Variants in GLIS1 observed in about 807,000 individuals in gnomAD.
GLIS1 encodes the protein zinc finger protein GLIS1.
A neutral mutation model predicts 63.8 loss-of-function variants in GLIS1; 24 were observed. That is an observed-to-expected ratio of 0.38 (90% CI 0.27 to 0.53). GLIS1 has a LOEUF of 0.53. Among genes scored for constraint, GLIS1 ranks in the 20% least tolerant of loss-of-function variants. The pLI is 0.85. For missense variants in GLIS1, 1,036 were observed against 1,074.1 expected, an observed-to-expected ratio of 0.96 and a Z score of 0.50; for synonymous variants, 450 against 482.5, an observed-to-expected ratio of 0.93 and a Z score of 0.88.
At chr1:53,707,874 G>C (rs1185970682) in intron 2 of GLIS1, among the ~76,000 whole-genome samples, 1 of 151,780 alleles carries the variant, frequency 6.6e-6, no homozygotes, top group Non-Finnish European at 1.5e-5. Flanking sequence ...TCTTAAATGA[G>C]ATACTGGACA....
chr1:53,551,325 A>T (rs1569809309), intron 4 of GLIS1, among the ~76,000 whole-genome samples: 1 of 152,204 alleles, frequency 6.6e-6, no homozygotes, highest in Non-Finnish European at 1.5e-5. Flanking sequence ...AATTTAAAAC[A>T]CCTGCCTCTC....
In GLIS1 at chr1:53,574,479, C is replaced by G. The variant is rs182728675; in HGVS notation, c.1320+19629G>C. ...CCTGGGAGATTACCTGTATACTAAT[C>G]CCCCTCTCAGGCTCTGCTCTGGGAC... On this transcript the variant is annotated intron_variant, in intron 4 of 10. Coordinates refer to ENST00000628545, the MANE Select transcript of GLIS1 (RefSeq NM_001367484.1). This position sits in a 1 kb window ranked among gnomAD's most constrained non-coding sequence, Gnocchi z 4.2. 2.0e-5 allele frequency among the ~76,000 whole-genome samples: 3 copies of G among 152,346 alleles called. No individual in the cohort carries two copies. In the East Asian group the frequency reaches 5.8e-4, roughly 29 times the overall value.
chr1:53,717,449 A>G (rs557677603), intron 2 of GLIS1, among the ~76,000 whole-genome samples: 20 of 152,338 alleles, frequency 1.3e-4, no homozygotes, highest in African/African-American at 4.8e-4. Flanking sequence ...TTATGGGGCT[A>G]AACCAAGAAA....
chr1:53,594,086 C>T (rs949639558), intron 4 of GLIS1, 22 bp downstream of exon 4: 1 of 1,585,236 alleles, frequency 6.3e-7, no homozygotes, highest in Non-Finnish European at 8.6e-7. Context: ...GGGGTGAGGC[C>T]TGGCGGCCGG....
At chr1:53,582,764 C>T (rs1329339600) in intron 4 of GLIS1, among the ~76,000 whole-genome samples, 1 of 152,236 alleles carries the variant, frequency 6.6e-6, no homozygotes, top group Non-Finnish European at 1.5e-5. Context: ...CTGCAATTTC[C>T]AGTGAGCCAC....
chr1:53,675,276 A>C (rs923119577), intron 2 of GLIS1, among the ~76,000 whole-genome samples: 3 of 152,204 alleles, frequency 2.0e-5, no homozygotes, highest in African/African-American at 7.2e-5. Context: ...TCCTTGCTTT[A>C]ATCCTAGCAA....
chr1:53,707,137 T>A (rs375327877), intron 2 of GLIS1, among the ~76,000 whole-genome samples: 16 of 152,194 alleles, frequency 1.1e-4, no homozygotes, highest in African/African-American at 3.9e-4. Flanking sequence ...TCCCCTTCCT[T>A]CCCTGGCACC....
chr1:53,543,560 G>C (rs3889128), intron 4 of GLIS1, among the ~76,000 whole-genome samples: 30,153 of 152,100 alleles, frequency 0.2, 3,373 homozygotes, highest in South Asian at 0.32. Context: ...AAAGCAGAGT[G>C]GTCTATTGAT....
At chr1:53,676,433 G>A (rs1646213433) in intron 2 of GLIS1, among the ~76,000 whole-genome samples, 3 of 152,162 alleles carry the variant, frequency 2.0e-5, no homozygotes, top group Non-Finnish European at 4.4e-5. Flanking sequence ...AACCCAGGGA[G>A]GAACCTCCAA....
At chr1:53,674,263 T>C (rs935327379) in intron 2 of GLIS1, among the ~76,000 whole-genome samples, 4 of 151,606 alleles carry the variant, frequency 2.6e-5, no homozygotes, top group Admixed American at 6.6e-5. Flanking sequence ...CTTTGATCAG[T>C]GCTACCCAAC....
At chr1:53,535,222 C>A (rs545891821) in intron 4 of GLIS1, among the ~76,000 whole-genome samples, 2 of 152,158 alleles carry the variant, frequency 1.3e-5, no homozygotes, top group East Asian at 3.9e-4. Context: ...CTAAAGACTT[C>A]ACAGAAGCCA....
chr1:53,560,671 G>A lies in GLIS1; in HGVS notation c.1321-30719C>T, dbSNP rs535163033. On this transcript the variant is annotated intron_variant, in intron 4 of 10. Transcript: ENST00000628545. The surrounding 1 kb of genome is among the most constrained non-coding windows in gnomAD (Gnocchi z 4.4). ...CTTTGGCAAACACTTGTTGCGGGCC[G>A]TGTGTCCCGCAATGTTCTAGGCACT... 5.9e-4 allele frequency among the ~76,000 whole-genome samples: 90 copies of A among 152,292 alleles called. No homozygotes were observed. Among genetic ancestry groups the A allele is most frequent in the Admixed American group, 2.9e-3 (44 of 15,298 alleles).
intron 4 of GLIS1, among the ~76,000 whole-genome samples, chr1:53,547,430 C>T (rs2100390742): frequency 6.6e-6 from 1 of 152,362 alleles, no homozygotes; most frequent in South Asian, 2.1e-4. Flanking sequence ...ACCTCCATCT[C>T]CCCTCGTCAG....
chr1:53,679,842 C>T (rs563590442), intron 2 of GLIS1, among the ~76,000 whole-genome samples: 1 of 152,336 alleles, frequency 6.6e-6, no homozygotes, highest in East Asian at 1.9e-4. Flanking sequence ...CTTCTCTCTC[C>T]AGCTCGTTGG....
chr1:53,559,293 C>T (rs537954019), intron 4 of GLIS1, among the ~76,000 whole-genome samples: 1 of 152,180 alleles, frequency 6.6e-6, no homozygotes, highest in African/African-American at 2.4e-5. Context: ...GCACCAGGGC[C>T]TCCTGGCTTG....
At chr1:53,663,913 G>A (rs920527958) in intron 2 of GLIS1, among the ~76,000 whole-genome samples, 4 of 151,726 alleles carry the variant, frequency 2.6e-5, no homozygotes, top group African/African-American at 4.8e-5. Flanking sequence ...GGCTCCAGGC[G>A]CCTCGAGGGA....
Position 53,711,355 on chromosome 1 carries a change from C to T in GLIS1, c.259+26451G>A, listed in dbSNP as rs76779237. ...AGTGTACACATGTATCAGACCATCA[C>T]AGTGGACCCCATCAGTATGTACAAT... On this transcript the variant is annotated intron_variant, in intron 2 of 10. Transcript: ENST00000628545. Among the ~76,000 whole-genome samples the T allele has an allele frequency of 5.7e-3, 872 of 152,306 alleles. 10 individuals carry two copies. Among genetic ancestry groups the T allele is most frequent in the African/African-American group, 0.02 (832 of 41,552 alleles).
chr1:53,540,132 A>G (rs1644627591), intron 4 of GLIS1, among the ~76,000 whole-genome samples: 2 of 151,152 alleles, frequency 1.3e-5, no homozygotes, highest in African/African-American at 4.9e-5. Context: ...AGCATCACAC[A>G]CTCCTCTCAG....
rs780497918 is a variant in GLIS1, at chr1:53,563,781, TAGA to T, written c.1320+30324_1320+30326del. On this transcript the variant is annotated intron_variant, in intron 4 of 10. Transcript: ENST00000628545. ...GTGAAAATTCAGACTATCACAGAAG[TAGA>T]AGAACTTAAAAGCAATAGACAGGAA... 4.3e-4 allele frequency among the ~76,000 whole-genome samples: 65 copies of T among 152,086 alleles called. 1 individual carries two copies. The highest frequency in any genetic ancestry group is 3.4e-4 in the Non-Finnish European group (23 of 68,020).
Sources: allele counts gnomAD v4.1 joint callset (sites outside exome capture counted in the v4.1 genomes callset), GRCh38; gene constraint gnomAD v4.1.1; non-coding constraint Gnocchi (gnomAD v3.1); transcripts MANE v1.5; gene names NCBI Gene and HGNC (gene_info 2026-07-23, HGNC 2026-07-21).